Variants in DDC observed in about 807,000 individuals in gnomAD.
DDC encodes the protein dopa decarboxylase.
DDC carries 43 observed loss-of-function variants against 60.0 expected under a neutral mutation model. The observed-to-expected ratio is 0.72, with a 90% CI of 0.56 to 0.92. DDC has a LOEUF of 0.92. Among genes scored for constraint, DDC ranks in the 40% least tolerant of loss-of-function variants. The pLI is 0.00. For missense variants in DDC, 573 were observed against 620.2 expected (o/e 0.92, Z 0.81); for synonymous variants, 232 against 234.6 (o/e 0.99, Z 0.10).
At chr7:50,465,795 C>CA (rs1181012131) in intron 13 of DDC, among the ~76,000 whole-genome samples, 1 of 152,270 alleles carries the variant, frequency 6.6e-6, no homozygotes, top group Non-Finnish European at 1.5e-5. Flanking sequence ...TGCTTGACAG[C>CA]AGATGAGTCT....
At chr7:50,468,366 C>G (rs2042447915) in intron 12 of DDC, among the ~76,000 whole-genome samples, 1 of 152,140 alleles carries the variant, frequency 6.6e-6, no homozygotes, top group African/African-American at 2.4e-5. Flanking sequence ...ATGATCATAA[C>G]TAGTTGTCCT....
At chr7:50,544,712 T>C (rs1486118135) in intron 1 of DDC, among the ~76,000 whole-genome samples, 2 of 152,234 alleles carry the variant, frequency 1.3e-5, no homozygotes, top group African/African-American at 2.4e-5. Flanking sequence ...GCATAAGTAA[T>C]ATACAGGCAA....
At chr7:50,472,409 TCTATTTCCTGGTA>T (rs1361705988) in intron 11 of DDC, among the ~76,000 whole-genome samples, 1 of 152,232 alleles carries the variant, frequency 6.6e-6, no homozygotes, top group Non-Finnish European at 1.5e-5. Flanking sequence ...CATCAAATGA[TCTATTTCCTGGTA>T]CTTTTTCCTC....
intron 4 of DDC, among the ~76,000 whole-genome samples, chr7:50,537,083 G>C (rs2044440828): frequency 6.8e-6 from 1 of 146,160 alleles, no homozygotes; most frequent in Non-Finnish European, 1.5e-5. Flanking sequence ...TCATCCCAGT[G>C]CCATTTGTCC....
At chr7:50,535,536 G>T (rs186298717) in intron 4 of DDC, among the ~76,000 whole-genome samples, 3 of 152,364 alleles carry the variant, frequency 2.0e-5, no homozygotes, top group East Asian at 1.9e-4. Context: ...CACGTGGAGG[G>T]ATGACTCTGA....
At chr7:50,538,049 A>C (rs1427006716) in intron 3 of DDC, 70 bp from the exon 4 acceptor site, 11 of 1,590,314 alleles carry the variant, frequency 6.9e-6, no homozygotes, top group African/African-American at 6.7e-5. Flanking sequence ...AGCAGTAACA[A>C]GGGGATTTAA....
At chr7:50,545,431 T>C (rs1339930744) in intron 1 of DDC, among the ~76,000 whole-genome samples, 1 of 152,224 alleles carries the variant, frequency 6.6e-6, no homozygotes, top group Admixed American at 6.5e-5. Context: ...CAACCCAAAA[T>C]TCTGGCACAT....
chr7:50,496,095 C>CT (rs112532220), intron 8 of DDC, among the ~76,000 whole-genome samples: 14,585 of 146,694 alleles, frequency 0.099, 957 homozygotes, highest in South Asian at 0.12. Flanking sequence ...GCTTCTCTCT[C>CT]TTTTTTTTTT....
intron 6 of DDC, among the ~76,000 whole-genome samples, chr7:50,511,395 G>T (rs2043575146): frequency 2.0e-5 from 3 of 152,216 alleles, no homozygotes; most frequent in Middle Eastern, 6.8e-3. Flanking sequence ...ACTAGGCATG[G>T]TGGCTCATGC....
rs755313812 is a variant in DDC at position 50,543,953 on chromosome 7, C to T, written c.133G>A (p.Ala45Thr). 14 of 1,614,032 alleles carry T rather than the reference C, an allele frequency of 8.7e-6. No individual in the cohort carries two copies. The highest frequency in any genetic ancestry group is 3.3e-4 in the Middle Eastern group (2 of 6,084). ...AACGTGTCTGGCTCCTGAGGGGCAG[C>T]GGCAGGGATCAGCGGCCGCAGGTAC... ...PGYLRPLIPAAAPQEPDTFED... is the reference protein window; with the variant it reads ...PGYLRPLIPATAPQEPDTFED... The change falls in exon 2 of 15, where the codon GCT becomes ACT. Residue 45 changes from alanine (A) to threonine (T), a missense_variant. Ala to Thr is a moderately conservative substitution (Grantham distance 58). Coordinates refer to ENST00000444124, the MANE Select transcript of DDC (RefSeq NM_001082971.2).
chr7:50,539,843 T>C (rs2044557881), intron 3 of DDC, 72 bp downstream of exon 3: 2 of 1,140,756 alleles, frequency 1.8e-6, no homozygotes, highest in South Asian at 2.6e-5. Flanking sequence ...CCCTTGTGCA[T>C]AGGTACCGTG....
intron 11 of DDC, among the ~76,000 whole-genome samples, chr7:50,476,283 T>C (rs2042642001): frequency 6.6e-6 from 1 of 152,132 alleles, no homozygotes; most frequent in African/African-American, 2.4e-5. Flanking sequence ...TCCCTCACTC[T>C]CCCACTGCCA....
At chr7:50,493,003 G>A (rs1484094411) in intron 9 of DDC, 7 of 1,597,464 alleles carry the variant, frequency 4.4e-6, no homozygotes, top group Admixed American at 1.7e-5. Context: ...TGGTTGTCTG[G>A]ACCTGAGGGC....
intron 6 of DDC, 193 bp downstream of exon 6, chr7:50,527,944 T>C: frequency 1.8e-6 from 1 of 560,820 alleles, no homozygotes; most frequent in South Asian, 2.0e-5. Context: ...TCACACAGGC[T>C]GGAGTGCAGC....
intron 9 of DDC, among the ~76,000 whole-genome samples, chr7:50,487,101 T>C (rs543139424): frequency 6.6e-6 from 1 of 152,362 alleles, no homozygotes; most frequent in East Asian, 1.9e-4. Context: ...CTGGGTCTGT[T>C]ATGTCTATAT....
At chr7:50,509,021 C>T (rs547655448) in intron 6 of DDC, among the ~76,000 whole-genome samples, 35 of 152,268 alleles carry the variant, frequency 2.3e-4, no homozygotes, top group African/African-American at 7.0e-4. Flanking sequence ...ACAGGCTTTC[C>T]AAATCCCCTC....
At chr7:50,503,221 C>T (rs1051277575) in intron 7 of DDC, among the ~76,000 whole-genome samples, 44 of 152,240 alleles carry the variant, frequency 2.9e-4, no homozygotes, top group African/African-American at 8.0e-4. Context: ...CACAGCCGAG[C>T]GGTCAGAACA....
chr7:50,479,889 G>A (rs757636797), intron 9 of DDC, 26 bp from the exon 10 acceptor site: 41 of 1,594,286 alleles, frequency 2.6e-5, no homozygotes, highest in Non-Finnish European at 3.5e-5. Flanking sequence ...AAATGAAAGG[G>A]CTGATAACCA....
chr7:50,547,744 A>G lies in DDC; in HGVS notation c.-28-3631T>C, dbSNP rs2044854358. Among the ~76,000 whole-genome samples, 6 of 152,218 alleles carry G rather than the reference A, an allele frequency of 3.9e-5. No individual in the cohort carries two copies. In the South Asian group the frequency reaches 1.2e-3, roughly 32 times the overall value. On this transcript the variant is annotated intron_variant, in intron 1 of 14. Coordinates refer to ENST00000444124, the MANE Select transcript of DDC (RefSeq NM_001082971.2). The stretch of plus-strand genomic sequence containing the variant: ...TGTATTAGCTATCATAATCGCATGT[A>G]TTAGCTATTATAACAGCATGTATTA...
Sources: allele counts gnomAD v4.1 joint callset (sites outside exome capture counted in the v4.1 genomes callset), GRCh38; gene constraint gnomAD v4.1.1; transcripts MANE v1.5; gene names NCBI Gene and HGNC (gene_info 2026-07-23, HGNC 2026-07-21).